Variants in PHIP observed in about 807,000 individuals in gnomAD.
PHIP encodes the protein PHIP subunit of CUL4-Ring ligase complex, also known as PH-interacting protein.
Under a neutral mutation model 236.8 loss-of-function variants are expected in PHIP, and 54 were observed. The observed-to-expected ratio is 0.23, with a 90% CI of 0.18 to 0.29. The LOEUF is 0.29. Ranked by LOEUF, PHIP falls within the 10% of genes least tolerant of loss-of-function variation. The pLI is 1.00. For missense variants in PHIP, 1,370 were observed against 2,190.8 expected (o/e 0.63, Z 7.48); for synonymous variants, 756 against 718.9 (o/e 1.05, Z -0.83).
chr6:79,033,353 T>C (rs1771766071), intron 7 of PHIP, among the ~76,000 whole-genome samples: 1 of 152,226 alleles, frequency 6.6e-6, no homozygotes, highest in South Asian at 2.1e-4. Context: ...AGATGATGTA[T>C]TTTTCCAATA....
At position 79,040,542 on chromosome 6, in the gene PHIP, G is replaced by A. The variant is rs952247291; in HGVS notation, c.600+2301C>T. Among the ~76,000 whole-genome samples, 5 of 152,138 alleles carry A rather than the reference G, an allele frequency of 3.3e-5. No individual in the cohort carries two copies. In the Middle Eastern group the frequency reaches 0.014, roughly 414 times the overall value. On this transcript the variant is annotated intron_variant, in intron 7 of 39. Coordinates refer to ENST00000275034, the MANE Select transcript of PHIP (RefSeq NM_017934.7). Reference sequence around the variant, plus strand: ...GTTCTCTCACAGGAGTGTTTCACTGGTCAATCATGATCTACTATCTTAAAG... The same window carrying A: ...GTTCTCTCACAGGAGTGTTTCACTGATCAATCATGATCTACTATCTTAAAG...
At position 79,042,993 on chromosome 6, in the gene PHIP, C is replaced by G. The variant is rs536311973; in HGVS notation, c.450G>C (p.Leu150=). ...YGSPPSIADT[L]FSRKLNGKYR... is the part of the protein sequence containing the mutation. ...ATTTCCCATTCAGCTTCCTTGAAAACAGAGTATCCGCTACCAAGAAAAAGA... is the reference window on the plus strand; with the variant it reads ...ATTTCCCATTCAGCTTCCTTGAAAAGAGAGTATCCGCTACCAAGAAAAAGA... Residue 150 remains leucine, a synonymous_variant, in exon 7 of 40, where the codon CTG becomes CTC. Coordinates refer to ENST00000275034, the MANE Select transcript of PHIP (RefSeq NM_017934.7). 3.7e-6 allele frequency: 6 copies of G among 1,607,754 alleles called. No individual in the cohort carries two copies. In the African/African-American group the frequency reaches 4.0e-5, roughly 11 times the overall value.
At chr6:79,006,118 G>T (rs1770278734) in intron 15 of PHIP, among the ~76,000 whole-genome samples, 1 of 151,898 alleles carries the variant, frequency 6.6e-6, no homozygotes, top group Admixed American at 6.6e-5. Flanking sequence ...TCAGAAAAAA[G>T]AAAAGGATAT....
intron 24 of PHIP, among the ~76,000 whole-genome samples, chr6:78,971,997 C>G (rs1409253860): frequency 6.6e-6 from 1 of 151,200 alleles, no homozygotes; most frequent in South Asian, 2.1e-4. Flanking sequence ...ACAAAGCAGC[C>G]GGGAAGCTCG....
Position 79,015,714 on chromosome 6 carries a change from A to T in PHIP, c.1305T>A (p.His435Gln), listed in dbSNP as rs1263035838. The change falls in exon 14 of 40, where the codon CAT (histidine) becomes CAA (glutamine). Residue 435 changes from histidine to glutamine, a missense_variant. Physicochemically the swap from His to Gln is conservative, Grantham distance 24 (BLOSUM62 0). Coordinates refer to ENST00000275034, the MANE Select transcript of PHIP (RefSeq NM_017934.7). ...MKVTMVAWDR[H>Q]DNTVITAVNN... is the part of the protein sequence containing the mutation. ...TAACTGCAGTTATAACTGTATTGTC[A>T]TGTCGATCCCAAGCTACCATAGTAA... 6.2e-7 allele frequency: 1 copy of T among 1,608,850 alleles called. No individual in the cohort carries two copies.
At chr6:78,961,145 T>A (rs187671716) in intron 31 of PHIP, among the ~76,000 whole-genome samples, 1 of 152,122 alleles carries the variant, frequency 6.6e-6, no homozygotes, top group Admixed American at 6.5e-5. Flanking sequence ...TGCAAATTAA[T>A]TGAAATTATG....
chr6:79,010,075 A>AAGGG (rs971576589), intron 15 of PHIP, among the ~76,000 whole-genome samples: 1 of 151,230 alleles, frequency 6.6e-6, no homozygotes, highest in Non-Finnish European at 1.5e-5. Context: ...GGAAGGAAAG[A>AAGGG]AGGGAGGAAG....
chr6:78,945,285 C>A lies in PHIP; in HGVS notation c.4828+15G>T. 6.4e-7 allele frequency: 1 copy of A among 1,554,974 alleles called. No homozygotes were observed. Among genetic ancestry groups the A allele is most frequent in the Non-Finnish European group, 8.9e-7 (1 of 1,126,406 alleles). On this transcript the variant is annotated intron_variant, in intron 39 of 39. Coordinates refer to ENST00000275034, the MANE Select transcript of PHIP (RefSeq NM_017934.7). ...AGGATCTACTGTATCTTGAAAGATA[C>A]AAGTAATACCTTACCTTGCTCAATG... is the stretch of plus-strand genomic sequence containing the variant.
intron 15 of PHIP, among the ~76,000 whole-genome samples, chr6:79,008,081 G>A (rs1052739117): frequency 5.9e-5 from 9 of 151,796 alleles, no homozygotes; most frequent in South Asian, 2.1e-4. Flanking sequence ...ACCTGAACCC[G>A]GGAGGCGGAG....
In PHIP at chr6:79,077,517, G is replaced by A. The variant is rs770091688; in HGVS notation, c.130-10C>T. ...TGCGCCGGGGCAGCAGCTGCGGGGA[G>A]AGGACACCCCGTGAGCCCGGCCCCC... On this transcript the variant is annotated splice_polypyrimidine_tract_variant and intron_variant, in intron 3 of 39. Coordinates refer to ENST00000275034, the MANE Select transcript of PHIP (RefSeq NM_017934.7). The A allele has an allele frequency of 3.3e-6, 5 of 1,534,088 alleles. No individual in the cohort carries two copies. The East Asian group carries it at 1.1e-4, about 33-fold the overall frequency.
At chr6:79,068,453 A>G (rs546275722) in intron 4 of PHIP, among the ~76,000 whole-genome samples, 1 of 152,302 alleles carries the variant, frequency 6.6e-6, no homozygotes, top group Non-Finnish European at 1.5e-5. Flanking sequence ...ACAGGGCAAG[A>G]CTTTGTCTCA....
intron 6 of PHIP, among the ~76,000 whole-genome samples, chr6:79,051,920 G>T (rs186568695): frequency 0.011 from 1,723 of 151,348 alleles, 26 homozygotes; most frequent in South Asian, 0.02. Context: ...AAGTTAGGTG[G>T]TTTTTTTTAA....
chr6:79,043,063 C>A, intron 6 of PHIP, 60 bp from the exon 7 acceptor site: 1 of 1,389,400 alleles, frequency 7.2e-7, no homozygotes. Context: ...TACATGATCA[C>A]CTTTTAAGAA....
chr6:79,043,986 AC>A (rs1156972590), intron 6 of PHIP, among the ~76,000 whole-genome samples: 3 of 152,012 alleles, frequency 2.0e-5, no homozygotes, highest in East Asian at 3.9e-4. Context: ...AGTTGATAAA[AC>A]ATAAATATAT....
At chr6:79,068,424 C>T (rs1773730883) in intron 4 of PHIP, among the ~76,000 whole-genome samples, 2 of 152,176 alleles carry the variant, frequency 1.3e-5, no homozygotes, top group African/African-American at 4.8e-5. Context: ...GATCATGCCA[C>T]TGCACACCAG....
rs769265811 is a variant in PHIP at position 78,941,108 on chromosome 6, T to A, written c.5051A>T (p.Asp1684Val). Reference sequence around the variant, plus strand: ...GCATGTTGAAGAAGGAAGTACTTCATCTCTGATGGGATGCACATTATTTTG... The same window carrying A: ...GCATGTTGAAGAAGGAAGTACTTCAACTCTGATGGGATGCACATTATTTTG... ...LEQNNVHPIRDEVLPSSTCNF... is the reference protein window; with the variant it reads ...LEQNNVHPIRVEVLPSSTCNF... Residue 1684 changes from aspartate to valine, a missense_variant, in exon 40 of 40, where the codon GAT (aspartate) becomes GTT (valine). Asp to Val is a radical substitution (Grantham distance 152). Transcript: ENST00000275034. 3.7e-5 allele frequency: 59 copies of A among 1,613,720 alleles called. No homozygotes were observed. The highest frequency in any genetic ancestry group is 4.7e-5 in the Non-Finnish European group (56 of 1,179,708).
intron 9 of PHIP, among the ~76,000 whole-genome samples, chr6:79,020,056 T>C (rs1311969905): frequency 6.6e-6 from 1 of 152,134 alleles, no homozygotes; most frequent in Non-Finnish European, 1.5e-5. Flanking sequence ...TCACAATATA[T>C]AACAAATTTA....
chr6:79,057,099 C>T (rs1374935749), intron 6 of PHIP, among the ~76,000 whole-genome samples: 1 of 152,078 alleles, frequency 6.6e-6, no homozygotes, highest in African/African-American at 2.4e-5. Flanking sequence ...TCAAAAATTA[C>T]ATTTTAGGTA....
At chr6:79,043,351 A>G (rs928381228) in intron 6 of PHIP, among the ~76,000 whole-genome samples, 6 of 152,070 alleles carry the variant, frequency 3.9e-5, no homozygotes, top group African/African-American at 1.4e-4. Context: ...ATTTCCTTAA[A>G]AGCTGTCTAT....
Sources: gnomAD v4.1 joint callset for allele counts (sites outside exome capture counted in the v4.1 genomes callset) on GRCh38, gnomAD v4.1.1 for gene constraint, MANE v1.5 for transcripts, NCBI Gene and HGNC (gene_info 2026-07-23, HGNC 2026-07-21) for gene names.